The following VPS13A variants were observed in gnomAD, a reference collection of about 807,000 sequenced individuals.
VPS13A encodes vacuolar protein sorting 13 homolog A, also known as intermembrane lipid transfer protein VPS13A.
VPS13A carries 264 observed loss-of-function variants against 390.9 expected under a neutral mutation model. That is an observed-to-expected ratio of 0.68 (90% confidence interval 0.61 to 0.75). VPS13A has a LOEUF of 0.75. Ranked by LOEUF, VPS13A falls within the 30% of genes least tolerant of loss-of-function variation. The pLI is 0.00. For synonymous variants in VPS13A, 1,231 were observed against 1,227.1 expected (o/e 1.00, Z -0.07); for missense variants, 3,409 against 3,733.9 (o/e 0.91, Z 2.27).
chr9:77,403,101 A>G, intron 68 of VPS13A, 135 bp from the exon 69 acceptor site: 2 of 649,174 alleles, frequency 3.1e-6, no homozygotes, highest in Non-Finnish European at 5.4e-6. Flanking sequence ...ATGATTTTAC[A>G]AATAATTAAA....
In VPS13A at chr9:77,312,354, A is replaced by G. The variant is rs118185229; in HGVS notation, c.4115-1638A>G. ...CTTTTTAAAAGCAAAATAATGACCA[A>G]AAGATTTGGATACTTGAGAGAGGAT... On this transcript the variant is annotated intron_variant, in intron 35 of 71. Coordinates refer to ENST00000360280, the MANE Select transcript of VPS13A (RefSeq NM_033305.3). Among the ~76,000 whole-genome samples the G allele has an allele frequency of 1.9e-3, 292 of 152,294 alleles. 5 individuals are homozygous for G. The East Asian group carries it at 0.045, about 24-fold the overall frequency.
At chr9:77,387,637 C>T (rs539203871) in intron 68 of VPS13A, among the ~76,000 whole-genome samples, 3 of 152,186 alleles carry the variant, frequency 2.0e-5, no homozygotes, top group Non-Finnish European at 2.9e-5. Context: ...AATTAGTACT[C>T]ACATGGGATA....
intron 34 of VPS13A, among the ~76,000 whole-genome samples, chr9:77,304,971 C>T (rs1828635648): frequency 6.7e-6 from 1 of 149,254 alleles, no homozygotes. Flanking sequence ...TGGAGTCTCG[C>T]TCTGTTGCCC....
intron 44 of VPS13A, among the ~76,000 whole-genome samples, chr9:77,322,865 C>T (rs1434504449): frequency 6.6e-6 from 1 of 151,898 alleles, no homozygotes; most frequent in Non-Finnish European, 1.5e-5. Context: ...GGGTTAAACT[C>T]CTGAATGGGA....
In VPS13A at chr9:77,219,995, C is replaced by T. The variant is rs749819408; in HGVS notation, c.796C>T (p.Arg266Cys). The T allele has an allele frequency of 1.9e-5, 31 of 1,613,268 alleles. No homozygotes were observed. Among genetic ancestry groups the T allele is most frequent in the East Asian group, 4.5e-5 (2 of 44,834 alleles). Residue 266 changes from arginine (R) to cysteine (C), a missense_variant, in exon 11 of 72, where the codon CGC becomes TGC. Physicochemically the swap from Arg to Cys is radical, Grantham distance 180. Transcript: ENST00000360280. ...ISANAKLVMN[R>C]RSDFDFSAPK... ...TGCTAATGCCAAACTTGTGATGAAT[C>T]GCCGATCTGATTTTGACTTTTCTGC...
chr9:77,214,243 T>A lies in VPS13A; in HGVS notation c.697-86T>A, dbSNP rs1427083984. The A allele has an allele frequency of 3.3e-6, 4 of 1,200,040 alleles. No homozygotes were observed. In the African/African-American group the frequency reaches 4.5e-5, roughly 13 times the overall value. The allele number at this position is 1,200,040 out of a possible 1,614,324, so 74.3% of individuals were successfully genotyped here. Reference sequence around the variant, plus strand: ...GTGAGCTGAGATTGCACCACTGCCCTCCAGCCTGGGTGACAGGGGGAGACT... The same window carrying A: ...GTGAGCTGAGATTGCACCACTGCCCACCAGCCTGGGTGACAGGGGGAGACT... On this transcript the variant is annotated intron_variant, in intron 9 of 71. Coordinates refer to ENST00000360280, the MANE Select transcript of VPS13A (RefSeq NM_033305.3).
At chr9:77,385,266 C>A in intron 68 of VPS13A, 2 of 637,734 alleles carry the variant, frequency 3.1e-6, no homozygotes, top group Non-Finnish European at 3.9e-6. Flanking sequence ...CATGGCCTCT[C>A]ATGGAAGAGT....
chr9:77,399,311 G>GAATT (rs1462537920), intron 68 of VPS13A, among the ~76,000 whole-genome samples: 2 of 150,948 alleles, frequency 1.3e-5, no homozygotes, highest in African/African-American at 4.8e-5. Context: ...AGCATTATAT[G>GAATT]AATTACTTTC....
chr9:77,355,395 A>G (rs577513295), intron 54 of VPS13A, among the ~76,000 whole-genome samples: 1 of 152,284 alleles, frequency 6.6e-6, no homozygotes, highest in African/African-American at 2.4e-5. Flanking sequence ...CTTCCTATCC[A>G]GTCTCATTCA....
At position 77,399,181 on chromosome 9, in the gene VPS13A, TAAAAAAAAAAA is replaced by T. The variant is rs1223344360; in HGVS notation, c.9190-4041_9190-4031del. Among the ~76,000 whole-genome samples the T allele has an allele frequency of 4.6e-4, 16 of 35,004 alleles. 1 individual carries two copies. Among genetic ancestry groups the T allele is most frequent in the Admixed American group, 2.7e-3 (8 of 2,938 alleles). The allele number at this position is 35,004 out of a possible 152,430, so 23.0% of individuals were successfully genotyped here. ...TTAGAGTATAATAAAAAAAAAAAAA[TAAAAAAAAAAA>T]AAAAAAAAAAAAACAAAGGATACGG... is the stretch of plus-strand genomic sequence containing the variant. On this transcript the variant is annotated intron_variant, in intron 68 of 71. Coordinates refer to ENST00000360280, the MANE Select transcript of VPS13A (RefSeq NM_033305.3).
In VPS13A at chr9:77,237,995, A is replaced by T. The variant is rs754256562; in HGVS notation, c.1596-7A>T. ...TCGCTGACTTTTTTCTTTTTTTTTTAATGCAGATTTGAAACTAAAATAGAT... is the reference window on the plus strand; with the variant it reads ...TCGCTGACTTTTTTCTTTTTTTTTTTATGCAGATTTGAAACTAAAATAGAT... On this transcript the variant is annotated splice_polypyrimidine_tract_variant and splice_region_variant and intron_variant, in intron 17 of 71. Coordinates refer to ENST00000360280, the MANE Select transcript of VPS13A (RefSeq NM_033305.3). The T allele has an allele frequency of 6.4e-7, 1 of 1,562,234 alleles. No homozygotes were observed. Among genetic ancestry groups the T allele is most frequent in the Admixed American group, 1.8e-5 (1 of 56,832 alleles).
intron 19 of VPS13A, among the ~76,000 whole-genome samples, chr9:77,242,108 G>T (rs935917543): frequency 6.6e-6 from 1 of 152,128 alleles, no homozygotes; most frequent in African/African-American, 2.4e-5. Flanking sequence ...AAGCCTGGGA[G>T]TACACTTCTA....
intron 35 of VPS13A, among the ~76,000 whole-genome samples, chr9:77,312,417 C>T (rs1829132903): frequency 6.7e-6 from 1 of 148,314 alleles, no homozygotes; most frequent in South Asian, 2.2e-4. Flanking sequence ...AAAACTTGTT[C>T]ATATAATTTT....
intron 68 of VPS13A, among the ~76,000 whole-genome samples, chr9:77,393,230 C>G (rs1833973366): frequency 6.6e-6 from 1 of 152,156 alleles, no homozygotes; most frequent in Non-Finnish European, 1.5e-5. Context: ...CAAGTTTTAT[C>G]ATAGGATTGT....
intron 52 of VPS13A, 143 bp from the exon 53 acceptor site, chr9:77,351,174 A>T: frequency 9.7e-7 from 1 of 1,034,846 alleles, no homozygotes; most frequent in Non-Finnish European, 1.4e-6. Flanking sequence ...TTAATTGTAT[A>T]AGGTAAGAAT....
At chr9:77,271,171 T>G (rs1365192328) in intron 23 of VPS13A, among the ~76,000 whole-genome samples, 5 of 152,114 alleles carry the variant, frequency 3.3e-5, no homozygotes, top group Non-Finnish European at 5.9e-5. Context: ...AACAGCTCAA[T>G]AATAAATGAC....
chr9:77,250,285 T>G lies in VPS13A; in HGVS notation c.2170+56T>G, dbSNP rs1028398788. The G allele has an allele frequency of 1.1e-5, 17 of 1,588,892 alleles. No homozygotes were observed. The African/African-American group carries it at 2.0e-4, about 19-fold the overall frequency. On this transcript the variant is annotated intron_variant, in intron 21 of 71. Transcript: ENST00000360280. Reference sequence around the variant, plus strand: ...ATTTTGTTGAAGTGATTAATTAGGTTTTTAGACACTTTGAAGACCTTCCTC... The same window carrying G: ...ATTTTGTTGAAGTGATTAATTAGGTGTTTAGACACTTTGAAGACCTTCCTC...
intron 68 of VPS13A, among the ~76,000 whole-genome samples, chr9:77,395,454 CAG>C (rs1226225887): frequency 1.3e-5 from 2 of 152,030 alleles, no homozygotes; most frequent in Admixed American, 1.3e-4. Context: ...ATCACCATAA[CAG>C]ATATAATAAT....
chr9:77,322,385 A>T (rs1829798684), intron 44 of VPS13A, among the ~76,000 whole-genome samples: 1 of 151,910 alleles, frequency 6.6e-6, no homozygotes. Flanking sequence ...CTGGCATTTA[A>T]GTAATTATTG....
Sources: allele counts gnomAD v4.1 joint callset (sites outside exome capture counted in the v4.1 genomes callset), GRCh38; gene constraint gnomAD v4.1.1; transcripts MANE v1.5; gene names NCBI Gene and HGNC (gene_info 2026-07-23, HGNC 2026-07-21).